The following MLLT1 variants were observed in gnomAD, a reference collection of about 807,000 sequenced individuals.
The protein encoded by MLLT1 is MLLT1 super elongation complex subunit, also known as protein ENL.
In MLLT1, 11 loss-of-function variants were observed where a neutral mutation model predicts 55.1. The ratio of observed to expected loss-of-function variants is 0.20; its 90% CI spans 0.13 to 0.33. The LOEUF is 0.33. Among genes scored for constraint, MLLT1 ranks in the 10% least tolerant of loss-of-function variants. The probability of loss-of-function intolerance (pLI) is 1.00; values close to 1 mark genes in which losing one functional copy is unlikely to be tolerated. For missense variants in MLLT1, 536 were observed against 760.6 expected (o/e 0.70, Z 3.47); for synonymous variants, 323 against 320.1 (o/e 1.01, Z -0.10).
rs1285099005 is a variant in MLLT1 at position 6,231,223 on chromosome 19, C to T, written c.277-510G>A. 6.6e-6 allele frequency among the ~76,000 whole-genome samples: 1 copy of T among 152,248 alleles called. No homozygotes were observed. The highest frequency in any genetic ancestry group is 1.5e-5 in the Non-Finnish European group (1 of 68,036). ...AAAGTACAAGGTCACGACCCAGTTT[C>T]CAGGAGGCTCTGTCCACTTTGGGTG... On this transcript the variant is annotated intron_variant, in intron 3 of 11. Transcript: ENST00000252674. The surrounding 1 kb of genome is among the most constrained non-coding windows in gnomAD (Gnocchi z 5.1).
At chr19:6,238,286 G>A (rs1296297882) in intron 3 of MLLT1, among the ~76,000 whole-genome samples, 1 of 152,236 alleles carries the variant, frequency 6.6e-6, no homozygotes, top group Non-Finnish European at 1.5e-5. Flanking sequence ...TATTGGGCAT[G>A]TGATAATGTT....
chr19:6,261,893 G>A (rs544711586), intron 3 of MLLT1, among the ~76,000 whole-genome samples: 19 of 152,238 alleles, frequency 1.2e-4, no homozygotes, highest in Non-Finnish European at 2.2e-4. Context: ...CACACGGCCC[G>A]GTTATTAACC....
intron 3 of MLLT1, among the ~76,000 whole-genome samples, chr19:6,242,861 G>A (rs998119044): frequency 1.8e-4 from 27 of 152,188 alleles, no homozygotes; most frequent in African/African-American, 5.1e-4. Context: ...GGAGAGGAAA[G>A]CAGGCCACTG....
intron 2 of MLLT1, among the ~76,000 whole-genome samples, chr19:6,266,965 T>G (rs2091353812): frequency 6.6e-6 from 1 of 152,020 alleles, no homozygotes; most frequent in African/African-American, 2.4e-5. Context: ...CTCAGAGGAC[T>G]TTACAAACAA....
At chr19:6,247,730 C>CT (rs1568288646) in intron 3 of MLLT1, among the ~76,000 whole-genome samples, 1 of 152,118 alleles carries the variant, frequency 6.6e-6, no homozygotes, top group Non-Finnish European at 1.5e-5. Context: ...GATTTCAGAT[C>CT]TTTTTTTGGA....
Position 6,227,053 on chromosome 19 carries a change from T to A in MLLT1, c.470A>T (p.Asp157Val). The A allele has an allele frequency of 6.2e-7, 1 of 1,606,968 alleles. No individual in the cohort carries two copies. Among genetic ancestry groups the A allele is most frequent in the Non-Finnish European group, 8.5e-7 (1 of 1,177,246 alleles). Residue 157 changes from aspartate to valine, a missense_variant, in exon 5 of 12, where the codon GAC (aspartate) becomes GTC (valine). Physicochemically the swap from Asp to Val is radical, Grantham distance 152. Coordinates refer to ENST00000252674, the MANE Select transcript of MLLT1 (RefSeq NM_005934.4). This position sits in a 1 kb window ranked among gnomAD's most constrained non-coding sequence, Gnocchi z 5.1. ...GADTVSRPSP[D>V]YPMLPTIPLS... is the part of the protein sequence containing the mutation. ...TGGAATTGTGGGTAACATGGGGTAG[T>A]CGGGACTGGGCCTGGACACCGTGTC...
At chr19:6,263,960 G>A (rs2091326297) in intron 2 of MLLT1, among the ~76,000 whole-genome samples, 1 of 151,906 alleles carries the variant, frequency 6.6e-6, no homozygotes, top group Admixed American at 6.6e-5. Context: ...TGGGAGCAGG[G>A]GAGCGACTGC....
chr19:6,243,202 T>C (rs1293804487), intron 3 of MLLT1, among the ~76,000 whole-genome samples: 1 of 151,840 alleles, frequency 6.6e-6, no homozygotes, highest in African/African-American at 2.4e-5. Context: ...CGAGAGCCAG[T>C]CCCAGCCCGA....
chr19:6,218,047 C>A lies in MLLT1; in HGVS notation c.1111-6G>T, dbSNP rs778017768. ...GACGGGCTTGACTGGGCAGACTTCA[C>A]CCAATGGTGGGATGGGCAGGGAGGG... On this transcript the variant is annotated splice_polypyrimidine_tract_variant and splice_region_variant and intron_variant, in intron 6 of 11. Coordinates refer to ENST00000252674, the MANE Select transcript of MLLT1 (RefSeq NM_005934.4). The A allele has an allele frequency of 6.2e-7, 1 of 1,605,988 alleles. No individual in the cohort carries two copies. Among genetic ancestry groups the A allele is most frequent in the Non-Finnish European group, 8.5e-7 (1 of 1,176,314 alleles).
chr19:6,221,706 T>G (rs1225575242), intron 6 of MLLT1, among the ~76,000 whole-genome samples: 1 of 152,218 alleles, frequency 6.6e-6, no homozygotes, highest in Non-Finnish European at 1.5e-5. Context: ...GTCTCCCAGA[T>G]GCCCTATTGG....
Position 6,256,652 on chromosome 19 carries a change from G to C in MLLT1, c.276+5576C>G, listed in dbSNP as rs1324460246. On this transcript the variant is annotated intron_variant, in intron 3 of 11. Transcript: ENST00000252674. The surrounding 1 kb of genome is among the most constrained non-coding windows in gnomAD (Gnocchi z 4.1). ...ACCTGTAGTCCCAGCTACTCGGGAG[G>C]CTGAGGCAGGAGAATGGTGTGAACC... is the stretch of plus-strand genomic sequence containing the variant. Among the ~76,000 whole-genome samples the C allele has an allele frequency of 6.6e-6, 1 of 152,092 alleles. No homozygotes were observed. The highest frequency in any genetic ancestry group is 1.5e-5 in the Non-Finnish European group (1 of 68,030).
intron 8 of MLLT1, among the ~76,000 whole-genome samples, chr19:6,214,716 C>A (rs886946016): frequency 1.3e-5 from 2 of 152,166 alleles, no homozygotes; most frequent in African/African-American, 4.8e-5. Flanking sequence ...TCCCGCTCTG[C>A]CAGGGATATT....
chr19:6,247,366 G>A (rs952235), intron 3 of MLLT1, among the ~76,000 whole-genome samples: 41,870 of 152,016 alleles, frequency 0.28, 6,616 homozygotes, highest in African/African-American at 0.43. Flanking sequence ...GGAAATACAC[G>A]GTGAGCCTGT....
chr19:6,273,219 A>AT lies in MLLT1; in HGVS notation c.13-2461dup, dbSNP rs2091408442. Among the ~76,000 whole-genome samples the AT allele has an allele frequency of 6.6e-6, 1 of 152,134 alleles. No homozygotes were observed. The highest frequency in any genetic ancestry group is 6.5e-5 in the Admixed American group (1 of 15,286). On this transcript the variant is annotated intron_variant, in intron 1 of 11. Coordinates refer to ENST00000252674, the MANE Select transcript of MLLT1 (RefSeq NM_005934.4). The surrounding 1 kb of genome is among the most constrained non-coding windows in gnomAD (Gnocchi z 4.3). ...CTGGGGTGCAGGCAGAAAAGGGCGA[A>AT]TGGCAAACTAACAGCAACCCCAGCC... is the stretch of plus-strand genomic sequence containing the variant.
intron 3 of MLLT1, among the ~76,000 whole-genome samples, chr19:6,237,435 C>A (rs1469182789): frequency 4.6e-5 from 7 of 152,060 alleles, no homozygotes; most frequent in Non-Finnish European, 1.0e-4. Context: ...CTCTGAGGCC[C>A]CAGGGTTCAC....
intron 3 of MLLT1, among the ~76,000 whole-genome samples, chr19:6,245,057 G>A (rs1039727488): frequency 1.3e-5 from 2 of 152,202 alleles, no homozygotes; most frequent in African/African-American, 4.8e-5. Flanking sequence ...AATAAAGAAC[G>A]GGGCCAGGTG....
chr19:6,236,663 T>C (rs536406650), intron 3 of MLLT1, among the ~76,000 whole-genome samples: 2 of 152,294 alleles, frequency 1.3e-5, no homozygotes, highest in African/African-American at 4.8e-5. Context: ...CTAAACGGCA[T>C]GCCCTCTACA....
rs548041374 is a variant in MLLT1, at chr19:6,245,449, G to A, written c.277-14736C>T. The stretch of plus-strand genomic sequence containing the variant: ...GTGAGGGCCGGGCACAGTGGCTCAC[G>A]CCTGTAAACTCAGCACTTTGGGAGG... On this transcript the variant is annotated intron_variant, in intron 3 of 11. Transcript: ENST00000252674. Among the ~76,000 whole-genome samples, 19 of 150,646 alleles carry A rather than the reference G, an allele frequency of 1.3e-4. No individual in the cohort carries two copies. In the East Asian group the frequency reaches 2.0e-3, roughly 16 times the overall value.
Position 6,262,938 on chromosome 19 carries a change from C to CT in MLLT1, c.194-629dup, listed in dbSNP as rs1300290398. ...GTGGCTCACACCTGTAATCCCAGCA[C>CT]TTTGGGAGGCCAAGGCAGGCGGATC... On this transcript the variant is annotated intron_variant, in intron 2 of 11. Coordinates refer to ENST00000252674, the MANE Select transcript of MLLT1 (RefSeq NM_005934.4). The surrounding 1 kb of genome is among the most constrained non-coding windows in gnomAD (Gnocchi z 4.4). 6.6e-6 allele frequency: 1 copy of CT among 150,912 alleles called. No homozygotes were observed. The highest frequency in any genetic ancestry group is 1.5e-5 in the Non-Finnish European group (1 of 67,954). 9.3% of individuals were successfully genotyped at this position (150,912 alleles called of 1,614,324 possible).
Sources: allele counts gnomAD v4.1 joint callset (sites outside exome capture counted in the v4.1 genomes callset), GRCh38; gene constraint gnomAD v4.1.1; non-coding constraint Gnocchi (gnomAD v3.1); transcripts MANE v1.5; gene names NCBI Gene and HGNC (gene_info 2026-07-23, HGNC 2026-07-21).